Variants in COL14A1 observed in about 807,000 individuals in gnomAD.
COL14A1 encodes collagen type XIV alpha 1 chain, also known as collagen alpha-1(XIV) chain.
A neutral mutation model predicts 230.3 loss-of-function variants in COL14A1; 136 were observed. That is an observed-to-expected ratio of 0.59 (90% CI 0.51 to 0.68). COL14A1 has a LOEUF of 0.68. Among genes scored for constraint, COL14A1 ranks in the 30% least tolerant of loss-of-function variants. The probability of loss-of-function intolerance (pLI) is 0.00; values close to 1 mark genes in which losing one functional copy is unlikely to be tolerated. For synonymous variants in COL14A1, 792 were observed against 784.1 expected (o/e 1.01, Z -0.17); for missense variants, 1,976 against 2,215.8 (o/e 0.89, Z 2.17).
chr8:120,340,107 T>TGA (rs1262470342), intron 42 of COL14A1, among the ~76,000 whole-genome samples: 2 of 103,312 alleles, frequency 1.9e-5, no homozygotes, highest in Non-Finnish European at 3.9e-5. Flanking sequence ...TGTGAGTGAG[T>TGA]GAGTGTGTGT....
At chr8:120,204,714 C>T (rs1443548055) in intron 9 of COL14A1, among the ~76,000 whole-genome samples, 9 of 152,258 alleles carry the variant, frequency 5.9e-5, no homozygotes, top group South Asian at 2.1e-4. Flanking sequence ...GATCATATCC[C>T]GGTTGCATGT....
chr8:120,231,432 A>G (rs1049114823), intron 18 of COL14A1, 35 bp from the exon 19 acceptor site: 1 of 1,604,652 alleles, frequency 6.2e-7, no homozygotes, highest in Non-Finnish European at 8.5e-7. Flanking sequence ...ATGATATGTT[A>G]AAAGTTTTTT....
chr8:120,365,918 T>A (rs1163685674), intron 45 of COL14A1, among the ~76,000 whole-genome samples: 1 of 152,216 alleles, frequency 6.6e-6, no homozygotes, highest in African/African-American at 2.4e-5. Context: ...TTAAAAGAGA[T>A]GCCAGGCTAT....
intron 3 of COL14A1, among the ~76,000 whole-genome samples, chr8:120,159,540 A>G (rs1226389414): frequency 6.6e-6 from 1 of 152,120 alleles, no homozygotes; most frequent in African/African-American, 2.4e-5. Context: ...ACCTTTTTCC[A>G]AAAGATACAG....
At chr8:120,295,991 T>G (rs1312459266) in intron 34 of COL14A1, among the ~76,000 whole-genome samples, 1 of 151,956 alleles carries the variant, frequency 6.6e-6, no homozygotes, top group Non-Finnish European at 1.5e-5. Flanking sequence ...TAAGCTATAA[T>G]GTATTTTTCC....
intron 2 of COL14A1, among the ~76,000 whole-genome samples, chr8:120,151,981 A>C (rs979421953): frequency 6.6e-6 from 1 of 152,192 alleles, no homozygotes; most frequent in African/African-American, 2.4e-5. Flanking sequence ...TCTAGAAGTT[A>C]GAAAAGGCAA....
At chr8:120,368,035 C>G (rs1563760811) in intron 46 of COL14A1, among the ~76,000 whole-genome samples, 1 of 151,978 alleles carries the variant, frequency 6.6e-6, no homozygotes, top group East Asian at 1.9e-4. Context: ...AACTAATCAC[C>G]TAGCCCCAAC....
intron 5 of COL14A1, among the ~76,000 whole-genome samples, chr8:120,182,726 G>GGTT (rs1554603200): frequency 0.011 from 1,481 of 128,992 alleles, 64 homozygotes; most frequent in African/African-American, 0.036. Flanking sequence ...ATTTTTCTTC[G>GGTT]TTTTTTTTTT....
At chr8:120,225,668 TATA>T (rs1389623635) in intron 15 of COL14A1, among the ~76,000 whole-genome samples, 11 of 152,296 alleles carry the variant, frequency 7.2e-5, no homozygotes, top group East Asian at 1.9e-4. Flanking sequence ...GAAATCTTCA[TATA>T]ATAATAAGTA....
In COL14A1 at chr8:120,372,656, G is replaced by A. The variant is rs1022542627; in HGVS notation, c.*1425G>A. 6.6e-6 allele frequency among the ~76,000 whole-genome samples: 1 copy of A among 152,102 alleles called. No individual in the cohort carries two copies. The highest frequency in any genetic ancestry group is 2.4e-5 in the African/African-American group (1 of 41,416). ...CAGGAAAAGGCTAACACGAAGGATG[G>A]TGTCTGTCTGATCACCAGGTTCTCT... On this transcript the variant is annotated 3_prime_UTR_variant, in exon 48 of 48. Coordinates refer to ENST00000297848, the MANE Select transcript of COL14A1 (RefSeq NM_021110.4).
intron 22 of COL14A1, among the ~76,000 whole-genome samples, chr8:120,252,166 A>G (rs1223395272): frequency 1.3e-5 from 2 of 152,134 alleles, no homozygotes; most frequent in East Asian, 3.8e-4. Flanking sequence ...TTGATAGTCA[A>G]ATGACATCTT....
chr8:120,302,075 G>T (rs1453597565), intron 36 of COL14A1, among the ~76,000 whole-genome samples: 1 of 151,726 alleles, frequency 6.6e-6, no homozygotes, highest in African/African-American at 2.4e-5. Context: ...CTTTTTAATG[G>T]GGTCATTTGG....
At chr8:120,278,606 C>A (rs1819931986) in intron 28 of COL14A1, 28 bp downstream of exon 28, 1 of 1,595,202 alleles carries the variant, frequency 6.3e-7, no homozygotes, top group South Asian at 1.1e-5. Flanking sequence ...TAGTGGCTAC[C>A]AAATATGATG....
chr8:120,261,975 CCTGCTG>C, intron 23 of COL14A1, among the ~76,000 whole-genome samples: 2 of 152,212 alleles, frequency 1.3e-5, no homozygotes, highest in African/African-American at 4.8e-5. Flanking sequence ...CAAGCTCTTG[CCTGCTG>C]TTGTGGCAGC....
intron 15 of COL14A1, among the ~76,000 whole-genome samples, 173 bp from the exon 16 acceptor site, chr8:120,226,454 G>A (rs1248427715): frequency 8.5e-5 from 13 of 152,064 alleles, no homozygotes; most frequent in Non-Finnish European, 1.0e-4. Flanking sequence ...GTGAATGCTG[G>A]AAACAGAAAT....
At chr8:120,146,915 C>T (rs1417564001) in intron 1 of COL14A1, among the ~76,000 whole-genome samples, 1 of 152,020 alleles carries the variant, frequency 6.6e-6, no homozygotes, top group Non-Finnish European at 1.5e-5. Context: ...CAGAATTTCT[C>T]CTCTGTAATG....
At chr8:120,217,144 G>A (rs1007906540) in intron 14 of COL14A1, among the ~76,000 whole-genome samples, 1 of 152,174 alleles carries the variant, frequency 6.6e-6, no homozygotes, top group African/African-American at 2.4e-5. Flanking sequence ...TGGGGAAGGT[G>A]TATGTTCATG....
chr8:120,140,665 G>T (rs1814876160), intron 1 of COL14A1, among the ~76,000 whole-genome samples: 1 of 152,092 alleles, frequency 6.6e-6, no homozygotes, highest in South Asian at 2.1e-4. Flanking sequence ...AGTGTGTGTG[G>T]TTTACGAAAA....
At chr8:120,146,550 T>C (rs1242826944) in intron 1 of COL14A1, among the ~76,000 whole-genome samples, 1 of 152,160 alleles carries the variant, frequency 6.6e-6, no homozygotes, top group Non-Finnish European at 1.5e-5. Context: ...TTTCCCCTTA[T>C]ACTAGGATTG....
Sources: allele counts gnomAD v4.1 joint callset (sites outside exome capture counted in the v4.1 genomes callset), GRCh38; gene constraint gnomAD v4.1.1; transcripts MANE v1.5; gene names NCBI Gene and HGNC (gene_info 2026-07-23, HGNC 2026-07-21).